Variants in THRB observed in about 807,000 individuals in gnomAD.
THRB encodes the protein nuclear receptor subfamily 1 group A member 2.
THRB carries 12 observed loss-of-function variants against 47.8 expected under a neutral mutation model. That is an observed-to-expected ratio of 0.25 (90% CI 0.16 to 0.41). THRB has a LOEUF of 0.41. THRB is among the 10% of genes least tolerant of loss of function. The pLI is 1.00. For synonymous variants in THRB, 218 were observed against 212.2 expected (o/e 1.03, Z -0.24); for missense variants, 348 against 589.2 (o/e 0.59, Z 4.24).
intron 1 of THRB, chr3:24,494,253 C>T (rs1271745315): frequency 6.6e-6 from 1 of 152,436 alleles, no homozygotes; most frequent in Non-Finnish European, 1.5e-5. Context: ...CACACAACTT[C>T]CTCATCATGG....
chr3:24,201,473 A>G (rs968014441), intron 4 of THRB, among the ~76,000 whole-genome samples: 1 of 152,198 alleles, frequency 6.6e-6, no homozygotes, highest in African/African-American at 2.4e-5. Flanking sequence ...GTGAATCACA[A>G]TCTGCATTTT....
At chr3:24,293,020 T>TTTTC (rs1553697140) in intron 3 of THRB, among the ~76,000 whole-genome samples, 4 of 151,626 alleles carry the variant, frequency 2.6e-5, no homozygotes, top group African/African-American at 9.7e-5. Flanking sequence ...GCTGCAAAGT[T>TTTTC]TTTGTTTGTT....
intron 2 of THRB, among the ~76,000 whole-genome samples, chr3:24,313,452 C>G (rs534527410): frequency 1.3e-5 from 2 of 152,148 alleles, no homozygotes; most frequent in Non-Finnish European, 2.9e-5. Flanking sequence ...CTGCCACCCA[C>G]GGGACTAAAT....
At chr3:24,227,748 C>A (rs1029257751) in intron 4 of THRB, among the ~76,000 whole-genome samples, 1 of 152,136 alleles carries the variant, frequency 6.6e-6, no homozygotes, top group Non-Finnish European at 1.5e-5. Flanking sequence ...ACATGTTTAG[C>A]TTATCATAGG....
rs561579068 is a variant in THRB at position 24,270,530 on chromosome 3, C to T, written c.-43+26696G>A. 3.3e-5 allele frequency among the ~76,000 whole-genome samples: 5 copies of T among 152,344 alleles called. No homozygotes were observed. In the East Asian group the frequency reaches 7.7e-4, roughly 23 times the overall value. On this transcript the variant is annotated intron_variant, in intron 3 of 10. Transcript: ENST00000646209. Reference sequence around the variant, plus strand: ...CCTATCTATAATGCCATTACTCAGACTGGCTAGAAATTAGATACGTCCCAG... The same window carrying T: ...CCTATCTATAATGCCATTACTCAGATTGGCTAGAAATTAGATACGTCCCAG...
chr3:24,198,839 T>C (rs892989260), intron 4 of THRB, among the ~76,000 whole-genome samples: 1 of 152,080 alleles, frequency 6.6e-6, no homozygotes, highest in Admixed American at 6.5e-5. Context: ...AATATTCTGG[T>C]CATTGTTAGA....
chr3:24,140,478 ATC>A (rs1395740840), intron 8 of THRB, among the ~76,000 whole-genome samples: 2 of 151,882 alleles, frequency 1.3e-5, no homozygotes, highest in Non-Finnish European at 2.9e-5. Context: ...CTGCTTGGGA[ATC>A]TCTCTTTCTG....
intron 4 of THRB, among the ~76,000 whole-genome samples, chr3:24,218,214 G>A (rs1030944396): frequency 1.3e-5 from 2 of 151,800 alleles, no homozygotes; most frequent in Non-Finnish European, 2.9e-5. Flanking sequence ...CTTGCAGTGA[G>A]CCGAGATTGC....
At position 24,169,149 on chromosome 3, in the gene THRB, T is replaced by C. The variant is rs138263224; in HGVS notation, c.284-16659A>G. On this transcript the variant is annotated intron_variant, in intron 5 of 10. Transcript: ENST00000646209. Reference sequence around the variant, plus strand: ...TGTTTTAGTAATTGAACCGCTAAATTTTAGTTGGGCTCATGGCCCCTGAGA... The same window carrying C: ...TGTTTTAGTAATTGAACCGCTAAATCTTAGTTGGGCTCATGGCCCCTGAGA... 1.9e-3 allele frequency among the ~76,000 whole-genome samples: 296 copies of C among 152,278 alleles called. 1 individual carries two copies. Among genetic ancestry groups the C allele is most frequent in the African/African-American group, 6.9e-3 (285 of 41,570 alleles).
intron 3 of THRB, among the ~76,000 whole-genome samples, chr3:24,250,095 A>T (rs1465577542): frequency 6.6e-6 from 1 of 152,228 alleles, no homozygotes; most frequent in African/African-American, 2.4e-5. Context: ...CACAAAATTC[A>T]TAGTTATAAG....
chr3:24,394,258 T>G (rs571643893), intron 1 of THRB, among the ~76,000 whole-genome samples: 1 of 152,232 alleles, frequency 6.6e-6, no homozygotes, highest in South Asian at 2.1e-4. Context: ...GAGTATATAT[T>G]AATGTGCCCC....
chr3:24,278,991 C>A (rs529437264), intron 3 of THRB, among the ~76,000 whole-genome samples: 1 of 152,230 alleles, frequency 6.6e-6, no homozygotes, highest in East Asian at 1.9e-4. Flanking sequence ...ACTACCGGTG[C>A]ATACTACCAC....
At chr3:24,160,029 A>C (rs761977906) in intron 5 of THRB, among the ~76,000 whole-genome samples, 13 of 152,084 alleles carry the variant, frequency 8.5e-5, no homozygotes, top group Non-Finnish European at 1.9e-4. Flanking sequence ...GTGATGAGAG[A>C]ATGTGTTGCT....
intron 7 of THRB, chr3:24,144,075 T>C (rs997093964): frequency 6.7e-5 from 19 of 283,296 alleles, no homozygotes; most frequent in African/African-American, 3.9e-4. Context: ...TCATCCGAAT[T>C]CACTCTCTGG....
chr3:24,351,633 A>C (rs1363649166), intron 1 of THRB, among the ~76,000 whole-genome samples: 1 of 152,110 alleles, frequency 6.6e-6, no homozygotes, highest in Non-Finnish European at 1.5e-5. Context: ...AATTGTCTTA[A>C]TCTTTTCCAG....
At chr3:24,373,803 A>G (rs942462283) in intron 1 of THRB, among the ~76,000 whole-genome samples, 5 of 152,150 alleles carry the variant, frequency 3.3e-5, no homozygotes, top group African/African-American at 1.2e-4. Flanking sequence ...AGCCTGTAAC[A>G]ATCGCTAAGT....
At chr3:24,203,498 G>A (rs1355155409) in intron 4 of THRB, among the ~76,000 whole-genome samples, 2 of 152,204 alleles carry the variant, frequency 1.3e-5, no homozygotes, top group Non-Finnish European at 2.9e-5. Context: ...ACTGATGTTT[G>A]GGAAGTTGAG....
At chr3:24,132,393 A>C (rs1202751717) in intron 9 of THRB, among the ~76,000 whole-genome samples, 1 of 152,260 alleles carries the variant, frequency 6.6e-6, no homozygotes, top group African/African-American at 2.4e-5. Flanking sequence ...AACAGATAAA[A>C]TAAAAGCAGT....
At chr3:24,396,099 T>C (rs1328229097) in intron 1 of THRB, among the ~76,000 whole-genome samples, 2 of 152,072 alleles carry the variant, frequency 1.3e-5, no homozygotes, top group African/African-American at 4.8e-5. Flanking sequence ...AACCATTGAA[T>C]GTACACTTTT....
Sources: gnomAD v4.1 joint callset for allele counts (sites outside exome capture counted in the v4.1 genomes callset) on GRCh38, gnomAD v4.1.1 for gene constraint, MANE v1.5 for transcripts, NCBI Gene and HGNC (gene_info 2026-07-23, HGNC 2026-07-21) for gene names.